TAF3: variants seen among roughly 807,000 people sequenced by gnomAD.
TAF3 encodes transcription initiation factor TFIID subunit 3.
TAF3 carries 7 observed loss-of-function variants against 80.6 expected under a neutral mutation model. The observed-to-expected ratio is 0.09, with a 90% CI of 0.05 to 0.16. The LOEUF is 0.16. Among genes scored for constraint, TAF3 ranks in the 10% least tolerant of loss-of-function variants. The probability of loss-of-function intolerance (pLI) is 1.00; values close to 1 mark genes in which losing one functional copy is unlikely to be tolerated. For synonymous variants in TAF3, 444 were observed against 446.1 expected (o/e 1.00, Z 0.06); for missense variants, 921 against 1,140.2 (o/e 0.81, Z 2.77).
In TAF3 at chr10:7,915,433, A is replaced by C. The variant is rs536724626; in HGVS notation, c.410-48487A>C. On this transcript the variant is annotated intron_variant, in intron 2 of 6. Transcript: ENST00000344293. The stretch of plus-strand genomic sequence containing the variant: ...GCCGAGACGGGTGGATCACGAGGTC[A>C]GGAGATCGAGACCATCCTGGCTAAC... Among the ~76,000 whole-genome samples, 60 of 144,348 alleles carry C rather than the reference A, an allele frequency of 4.2e-4. 1 individual carries two copies. Among genetic ancestry groups the C allele is most frequent in the African/African-American group, 1.4e-3 (55 of 39,282 alleles). 94.7% of individuals were successfully genotyped at this position (144,348 alleles called of 152,430 possible).
chr10:7,942,313 A>T (rs1247765801), intron 2 of TAF3, among the ~76,000 whole-genome samples: 3 of 152,226 alleles, frequency 2.0e-5, no homozygotes, highest in Non-Finnish European at 4.4e-5. Flanking sequence ...TAAATATTTT[A>T]TCAAACATAT....
chr10:7,931,702 AC>A (rs1726117809), intron 2 of TAF3, among the ~76,000 whole-genome samples: 1 of 152,248 alleles, frequency 6.6e-6, no homozygotes, highest in Non-Finnish European at 1.5e-5. Context: ...CAATTTTATT[AC>A]GTAAATTAGT....
intron 4 of TAF3, among the ~76,000 whole-genome samples, chr10:7,998,130 C>T (rs928072794): frequency 3.3e-5 from 5 of 151,512 alleles, no homozygotes; most frequent in Non-Finnish European, 7.4e-5. Context: ...AGTGCCTCTA[C>T]ACCAGTCTAA....
At chr10:7,920,171 T>A (rs1019254659) in intron 2 of TAF3, among the ~76,000 whole-genome samples, 1 of 152,142 alleles carries the variant, frequency 6.6e-6, no homozygotes, top group Non-Finnish European at 1.5e-5. Flanking sequence ...GAGGATCTCT[T>A]GAGTGCAGGT....
At chr10:7,963,879 A>C (rs933635823) in intron 2 of TAF3, 41 bp from the exon 3 acceptor site, 1 of 1,487,530 alleles carries the variant, frequency 6.7e-7, no homozygotes, top group Non-Finnish European at 9.0e-7. Flanking sequence ...GTTACATTCC[A>C]ATAATATTTA....
chr10:7,831,286 T>A (rs1182143783), intron 2 of TAF3, among the ~76,000 whole-genome samples: 1 of 152,170 alleles, frequency 6.6e-6, no homozygotes, highest in Non-Finnish European at 1.5e-5. Context: ...AGGTGACTAG[T>A]TTCATTTAAT....
chr10:7,916,604 T>C (rs1441405886), intron 2 of TAF3, among the ~76,000 whole-genome samples: 2 of 152,180 alleles, frequency 1.3e-5, no homozygotes, highest in Admixed American at 1.3e-4. Context: ...AAAGACATGT[T>C]TTTAATAATA....
At chr10:7,917,817 C>T (rs1405464125) in intron 2 of TAF3, among the ~76,000 whole-genome samples, 1 of 152,146 alleles carries the variant, frequency 6.6e-6, no homozygotes, top group Non-Finnish European at 1.5e-5. Context: ...AAGATGAAAA[C>T]TGAAAATGGA....
intron 6 of TAF3, 116 bp downstream of exon 6, chr10:8,013,953 G>A (rs1832079994): frequency 1.2e-6 from 1 of 815,776 alleles, no homozygotes. Context: ...CTGTCCTAGG[G>A]ACAGTACATG....
intron 2 of TAF3, among the ~76,000 whole-genome samples, chr10:7,838,565 A>G (rs1218708316): frequency 6.6e-6 from 1 of 152,070 alleles, no homozygotes; most frequent in Non-Finnish European, 1.5e-5. Flanking sequence ...TAATTTTTGT[A>G]GAGGTGGGAT....
At chr10:7,877,701 A>C (rs1240074245) in intron 2 of TAF3, among the ~76,000 whole-genome samples, 2 of 152,162 alleles carry the variant, frequency 1.3e-5, no homozygotes, top group African/African-American at 4.8e-5. Flanking sequence ...TACTATTTAA[A>C]AAATAAGACA....
At chr10:8,014,250 G>A (rs777499997) in intron 6 of TAF3, among the ~76,000 whole-genome samples, 10 of 152,086 alleles carry the variant, frequency 6.6e-5, no homozygotes, top group Non-Finnish European at 1.3e-4. Context: ...CCTCTTCAGC[G>A]GTTCCTAAAA....
chr10:7,827,148 A>C (rs1446169218), intron 2 of TAF3, among the ~76,000 whole-genome samples: 2 of 152,156 alleles, frequency 1.3e-5, no homozygotes, highest in Admixed American at 6.5e-5. Flanking sequence ...GAAGGCCTGA[A>C]GGGGCAGCAG....
chr10:7,862,539 A>G (rs1261843141), intron 2 of TAF3, among the ~76,000 whole-genome samples: 1 of 152,230 alleles, frequency 6.6e-6, no homozygotes, highest in Admixed American at 6.5e-5. Context: ...ATTTATGTTC[A>G]GTAAACTGTA....
At chr10:7,830,923 C>A (rs1488581478) in intron 2 of TAF3, among the ~76,000 whole-genome samples, 2 of 152,168 alleles carry the variant, frequency 1.3e-5, no homozygotes, top group Admixed American at 1.3e-4. Context: ...TAATGCAGCT[C>A]AATGTGTTTC....
chr10:7,991,809 T>C (rs566292899), intron 4 of TAF3, among the ~76,000 whole-genome samples: 8 of 152,196 alleles, frequency 5.3e-5, no homozygotes, highest in Non-Finnish European at 1.2e-4. Flanking sequence ...TTTTAATATA[T>C]TTTGAAGTGG....
At chr10:7,926,039 C>T (rs1009723125) in intron 2 of TAF3, among the ~76,000 whole-genome samples, 2 of 151,832 alleles carry the variant, frequency 1.3e-5, no homozygotes, top group Non-Finnish European at 2.9e-5. Flanking sequence ...GGGCAACTGC[C>T]TTTTATAATT....
chr10:7,859,275 T>TAAAA (rs1386566848), intron 2 of TAF3, among the ~76,000 whole-genome samples: 1 of 88,260 alleles, frequency 1.1e-5, no homozygotes, highest in Non-Finnish European at 2.2e-5. Flanking sequence ...AATAAATAAA[T>TAAAA]AAATAAATAA....
chr10:7,846,293 A>C (rs1836972233), intron 2 of TAF3, among the ~76,000 whole-genome samples: 1 of 152,200 alleles, frequency 6.6e-6, no homozygotes, highest in African/African-American at 2.4e-5. Flanking sequence ...TTTTGATAAA[A>C]TTTCTTCAAA....
Sources: gnomAD v4.1 joint callset for allele counts (sites outside exome capture counted in the v4.1 genomes callset) on GRCh38, gnomAD v4.1.1 for gene constraint, MANE v1.5 for transcripts, NCBI Gene and HGNC (gene_info 2026-07-23, HGNC 2026-07-21) for gene names.